OPCML: variants seen among roughly 807,000 people sequenced by gnomAD.
OPCML encodes opioid-binding protein/cell adhesion molecule.
In OPCML, 13 loss-of-function variants were observed where a neutral mutation model predicts 37.8. The observed-to-expected ratio is 0.34, with a 90% CI of 0.22 to 0.55. OPCML has a LOEUF of 0.55. Among genes scored for constraint, OPCML ranks in the 20% least tolerant of loss-of-function variants. The pLI is 0.91. For synonymous variants in OPCML, 176 were observed against 168.8 expected, an observed-to-expected ratio of 1.04 and a Z score of -0.33; for missense variants, 341 against 435.6, an observed-to-expected ratio of 0.78 and a Z score of 1.93.
chr11:133,362,210 G>A (rs925273981), intron 1 of OPCML: 1 of 152,390 alleles, frequency 6.6e-6, no homozygotes, highest in Non-Finnish European at 1.5e-5. Context: ...GGAGACTCGG[G>A]GTTAGAAGGG....
intron 1 of OPCML, among the ~76,000 whole-genome samples, chr11:133,413,673 G>GGAAGT (rs1945699450): frequency 6.6e-6 from 1 of 152,124 alleles, no homozygotes; most frequent in Non-Finnish European, 1.5e-5. Context: ...TAGCCTGCAT[G>GGAAGT]TCTTTCCCTC....
chr11:132,516,065 G>T (rs527395693), intron 4 of OPCML, among the ~76,000 whole-genome samples: 7 of 151,748 alleles, frequency 4.6e-5, no homozygotes, highest in Admixed American at 4.6e-4. Context: ...TAGGTCTCCA[G>T]TAAAAAAAAG....
intron 1 of OPCML, among the ~76,000 whole-genome samples, chr11:133,296,725 T>C (rs1002703378): frequency 2.6e-5 from 4 of 152,204 alleles, no homozygotes; most frequent in African/African-American, 9.6e-5. Context: ...ATAAATAAAA[T>C]ACATTTTAAG....
chr11:132,571,722 G>T (rs1052701685), intron 3 of OPCML, among the ~76,000 whole-genome samples: 2 of 152,110 alleles, frequency 1.3e-5, no homozygotes, highest in African/African-American at 2.4e-5. Context: ...GAATAGTGCT[G>T]CAATGAACAA....
At position 133,179,662 on chromosome 11, in the gene OPCML, G is replaced by A. The variant is rs533517204; in HGVS notation, c.62-236652C>T. ...CACAGAGATGTAGACCCACAAAGAG[G>A]GACTGTGACCACTGATATCCTATAC... is the stretch of plus-strand genomic sequence containing the variant. On this transcript the variant is annotated intron_variant, in intron 1 of 7. Coordinates refer to ENST00000524381, the MANE Select transcript of OPCML (RefSeq NM_001012393.5). Among the ~76,000 whole-genome samples, 51 of 152,276 alleles carry A rather than the reference G, an allele frequency of 3.3e-4. No individual in the cohort carries two copies. The Middle Eastern group carries it at 0.01, about 30-fold the overall frequency.
At chr11:133,222,754 T>G (rs1316952091) in intron 1 of OPCML, among the ~76,000 whole-genome samples, 3 of 147,712 alleles carry the variant, frequency 2.0e-5, no homozygotes, top group African/African-American at 5.0e-5. Flanking sequence ...ATAAACCAGA[T>G]GCCAAAAGAG....
chr11:132,757,795 A>G (rs1177690173), intron 2 of OPCML, among the ~76,000 whole-genome samples: 1 of 152,006 alleles, frequency 6.6e-6, no homozygotes, highest in Non-Finnish European at 1.5e-5. Flanking sequence ...GAAACTCTTT[A>G]GTTTAATTAG....
chr11:132,839,621 C>CGT (rs1037196264), intron 2 of OPCML, among the ~76,000 whole-genome samples: 7 of 152,156 alleles, frequency 4.6e-5, no homozygotes, highest in African/African-American at 1.4e-4. Context: ...GGCTGACCCA[C>CGT]CACACTGCTG....
chr11:132,506,534 G>A lies in OPCML; in HGVS notation c.505+22527C>T, dbSNP rs542935287. Among the ~76,000 whole-genome samples the A allele has an allele frequency of 1.7e-3, 254 of 152,210 alleles. 1 individual carries two copies. The highest frequency in any genetic ancestry group is 4.7e-3 in the African/African-American group (196 of 41,540). On this transcript the variant is annotated intron_variant, in intron 4 of 7. Coordinates refer to ENST00000524381, the MANE Select transcript of OPCML (RefSeq NM_001012393.5). The stretch of plus-strand genomic sequence containing the variant: ...TGCCAATGTCTCAACATGTAAACGC[G>A]GATTGTGACTTCAAAAGGTGATTTT...
chr11:132,744,584 C>A (rs3016391), intron 2 of OPCML, among the ~76,000 whole-genome samples: 16 of 152,186 alleles, frequency 1.1e-4, no homozygotes, highest in East Asian at 3.9e-4. Flanking sequence ...ACCCTTTTGC[C>A]TGTTATTGAG....
At chr11:133,240,572 C>A (rs915939092) in intron 1 of OPCML, among the ~76,000 whole-genome samples, 1 of 152,168 alleles carries the variant, frequency 6.6e-6, no homozygotes, top group African/African-American at 2.4e-5. Context: ...AGGCACAAAA[C>A]CCCAACACTC....
At chr11:132,896,859 G>C (rs1169844927) in intron 2 of OPCML, among the ~76,000 whole-genome samples, 1 of 152,176 alleles carries the variant, frequency 6.6e-6, no homozygotes, top group Non-Finnish European at 1.5e-5. Flanking sequence ...AGAGTCCAAT[G>C]GTGTGGGGCA....
intron 1 of OPCML, among the ~76,000 whole-genome samples, chr11:133,203,158 A>G (rs1397686947): frequency 6.6e-6 from 1 of 152,160 alleles, no homozygotes; most frequent in Non-Finnish European, 1.5e-5. Context: ...TAGAATTACT[A>G]CTCAAAACTA....
At chr11:132,872,589 C>T (rs1372468519) in intron 2 of OPCML, among the ~76,000 whole-genome samples, 2 of 152,156 alleles carry the variant, frequency 1.3e-5, no homozygotes, top group African/African-American at 4.8e-5. Context: ...TGCTCACTCC[C>T]AGTTTATAGA....
intron 4 of OPCML, among the ~76,000 whole-genome samples, chr11:132,448,006 A>C (rs11223076): frequency 0.068 from 10,346 of 152,320 alleles, 554 homozygotes; most frequent in African/African-American, 0.14. Context: ...GAAAGCCAGC[A>C]AGGGCTCAAG....
chr11:133,166,454 A>G (rs915569057), intron 1 of OPCML, among the ~76,000 whole-genome samples: 3 of 152,190 alleles, frequency 2.0e-5, no homozygotes, highest in Admixed American at 1.3e-4. Flanking sequence ...CAGGCCCAGG[A>G]TGTGCAACTC....
intron 2 of OPCML, among the ~76,000 whole-genome samples, chr11:132,865,807 G>C (rs1398298418): frequency 3.9e-5 from 6 of 152,124 alleles, no homozygotes; most frequent in African/African-American, 1.4e-4. Flanking sequence ...ATTATTATTA[G>C]AAAAAACTCA....
At position 132,636,567 on chromosome 11, in the gene OPCML, G is replaced by T. The variant is rs559514399; in HGVS notation, c.379+20520C>A. ...CCTTCCATATAATGCCTCCTGACTT[G>T]CATTTATTCTGGCTTTTCTCGGAAA... On this transcript the variant is annotated intron_variant, in intron 3 of 7. Coordinates refer to ENST00000524381, the MANE Select transcript of OPCML (RefSeq NM_001012393.5). Among the ~76,000 whole-genome samples the T allele has an allele frequency of 6.6e-5, 10 of 152,302 alleles. No homozygotes were observed. In the South Asian group the frequency reaches 2.1e-3, roughly 32 times the overall value.
intron 2 of OPCML, among the ~76,000 whole-genome samples, chr11:132,731,910 G>T (rs1215292909): frequency 1.3e-5 from 2 of 152,160 alleles, no homozygotes; most frequent in Non-Finnish European, 2.9e-5. Flanking sequence ...TATGAAAGAG[G>T]TATGAAAGGT....
Sources: allele counts gnomAD v4.1 joint callset (sites outside exome capture counted in the v4.1 genomes callset), GRCh38; gene constraint gnomAD v4.1.1; transcripts MANE v1.5; gene names NCBI Gene and HGNC (gene_info 2026-07-23, HGNC 2026-07-21).